The following AGO3 variants were observed in gnomAD, a reference collection of about 807,000 sequenced individuals.
AGO3 encodes protein argonaute-3.
In AGO3, 16 loss-of-function variants were observed where a neutral mutation model predicts 105.5. That is an observed-to-expected ratio of 0.15 (90% CI 0.10 to 0.23). The LOEUF is 0.23. Among genes scored for constraint, AGO3 ranks in the 10% least tolerant of loss-of-function variants. AGO3 has a pLI of 1.00. For missense variants in AGO3, 534 were observed against 1,088.0 expected, an observed-to-expected ratio of 0.49 and a Z score of 7.16; for synonymous variants, 340 against 367.3, an observed-to-expected ratio of 0.93 and a Z score of 0.85.
intron 17 of AGO3, among the ~76,000 whole-genome samples, chr1:36,043,862 T>TAA (rs572252684): frequency 6.8e-6 from 1 of 148,040 alleles, no homozygotes. Flanking sequence ...TATGCATCTT[T>TAA]AAAAAAAAAA....
chr1:36,020,332 C>T (rs1294648157), intron 11 of AGO3, among the ~76,000 whole-genome samples: 1 of 152,180 alleles, frequency 6.6e-6, no homozygotes, highest in Non-Finnish European at 1.5e-5. Context: ...TTAATAGTTT[C>T]AGTACTGACT....
intron 2 of AGO3, among the ~76,000 whole-genome samples, chr1:35,946,582 A>G (rs554050738): frequency 1.3e-5 from 2 of 152,330 alleles, no homozygotes; most frequent in East Asian, 3.9e-4. Context: ...CTTATTCATT[A>G]AATGTTATTA....
intron 3 of AGO3, among the ~76,000 whole-genome samples, chr1:35,971,707 G>A (rs1313329945): frequency 1.3e-5 from 2 of 151,666 alleles, no homozygotes; most frequent in Non-Finnish European, 2.9e-5. Context: ...GTAATCTTTT[G>A]TACTTTGCTT....
chr1:36,038,507 G>A (rs1048365350), intron 14 of AGO3, among the ~76,000 whole-genome samples: 30 of 151,920 alleles, frequency 2.0e-4, no homozygotes, highest in African/African-American at 6.5e-4. Flanking sequence ...CGCCCACCTC[G>A]GCCTCCCAAA....
intron 3 of AGO3, among the ~76,000 whole-genome samples, chr1:35,969,881 A>G (rs1557657205): frequency 6.6e-6 from 1 of 152,214 alleles, no homozygotes; most frequent in Non-Finnish European, 1.5e-5. Flanking sequence ...GTATCTAACT[A>G]TAGAAAAGGT....
chr1:35,976,788 C>A (rs1646963431), intron 5 of AGO3, among the ~76,000 whole-genome samples: 1 of 152,120 alleles, frequency 6.6e-6, no homozygotes, highest in Non-Finnish European at 1.5e-5. Context: ...TAATACTTTC[C>A]TTTTATAAAT....
At chr1:36,036,787 C>T (rs1642029481) in intron 14 of AGO3, among the ~76,000 whole-genome samples, 1 of 152,074 alleles carries the variant, frequency 6.6e-6, no homozygotes, top group African/African-American at 2.4e-5. Flanking sequence ...CTTCATCTCC[C>T]AGGTTCAAGC....
rs1349813665 is a variant in AGO3 at position 36,013,700 on chromosome 1, C to T, written c.1220C>T (p.Ala407Val). 1.2e-6 allele frequency: 2 copies of T among 1,614,036 alleles called. No individual in the cohort carries two copies. Among genetic ancestry groups the T allele is most frequent in the East Asian group, 2.2e-5 (1 of 44,896 alleles). Reference protein sequence around the residue: ...EFQFKVRDEMAHVTGRVLPAP... With the variant: ...EFQFKVRDEMVHVTGRVLPAP... ...CAATTTAAAGTTCGGGATGAAATGG[C>T]TCATGTAACTGGACGCGTACTTCCA... The change falls in exon 10 of 19, where the codon GCT (alanine) becomes GTT (valine). Residue 407 changes from alanine to valine, a missense_variant. Ala to Val is a moderately conservative substitution (Grantham distance 64, BLOSUM62 0). Around this residue, in one of 2 missense-constraint regions of AGO3, gnomAD observed 373 missense variants for 854.0 expected, o/e 0.44. Transcript: ENST00000373191.
chr1:35,950,060 A>T (rs559227302), intron 2 of AGO3, among the ~76,000 whole-genome samples: 1 of 152,178 alleles, frequency 6.6e-6, no homozygotes, highest in Non-Finnish European at 1.5e-5. Flanking sequence ...GTCTCTACTA[A>T]AAGTACAAAA....
intron 9 of AGO3, among the ~76,000 whole-genome samples, chr1:36,011,253 G>A (rs779360929): frequency 2.0e-5 from 3 of 152,046 alleles, no homozygotes; most frequent in Non-Finnish European, 4.4e-5. Flanking sequence ...TTGAAAATAG[G>A]GATGCAAAAC....
chr1:36,033,230 G>A (rs1354412628), intron 12 of AGO3, among the ~76,000 whole-genome samples: 3 of 151,768 alleles, frequency 2.0e-5, no homozygotes, highest in Non-Finnish European at 4.4e-5. Flanking sequence ...CCAGCTACTC[G>A]GGAGGCTGAG....
chr1:36,062,615 A>G lies in AGO3; in HGVS notation c.*6870A>G, dbSNP rs1013192885. On this transcript the variant is annotated 3_prime_UTR_variant, in exon 19 of 19. Transcript: ENST00000373191. Reference sequence around the variant, plus strand: ...AAAGGAAAATAGTAGAACCTTTCATACTAATTAGAAATGTAGTTACCTACC... The same window carrying G: ...AAAGGAAAATAGTAGAACCTTTCATGCTAATTAGAAATGTAGTTACCTACC... 1 of 152,178 alleles carries G rather than the reference A, an allele frequency of 6.6e-6. No individual in the cohort carries two copies. Among genetic ancestry groups the G allele is most frequent in the Admixed American group, 6.5e-5 (1 of 15,276 alleles). The allele number at this position is 152,178 out of a possible 1,614,324, so 9.4% of individuals were successfully genotyped here.
At chr1:36,009,643 C>G (rs779031133) in intron 9 of AGO3, 49 bp downstream of exon 9, 1 of 1,561,040 alleles carries the variant, frequency 6.4e-7, no homozygotes, top group East Asian at 2.2e-5. Context: ...TTAGGGTGAA[C>G]TGTAATACTA....
intron 2 of AGO3, among the ~76,000 whole-genome samples, chr1:35,949,704 C>T (rs1235007710): frequency 6.6e-6 from 1 of 152,226 alleles, no homozygotes; most frequent in African/African-American, 2.4e-5. Context: ...ACACTGTGTT[C>T]TCAACCTCCT....
At chr1:36,035,696 A>C (rs1641969912) in intron 13 of AGO3, among the ~76,000 whole-genome samples, 1 of 152,162 alleles carries the variant, frequency 6.6e-6, no homozygotes, top group Non-Finnish European at 1.5e-5. Context: ...AGCCCTTTTC[A>C]ACCACCAGCA....
intron 5 of AGO3, among the ~76,000 whole-genome samples, chr1:35,981,686 G>A (rs1647055759): frequency 6.6e-6 from 1 of 152,104 alleles, no homozygotes; most frequent in Non-Finnish European, 1.5e-5. Context: ...CTTGTAAAAG[G>A]GTGGTCCTTT....
intron 2 of AGO3, among the ~76,000 whole-genome samples, chr1:35,946,618 A>G (rs1436100238): frequency 6.6e-6 from 1 of 152,246 alleles, no homozygotes. Context: ...GACATTTAAG[A>G]AAAAGAATGT....
chr1:35,994,348 G>T (rs975384342), intron 5 of AGO3, among the ~76,000 whole-genome samples: 1 of 151,938 alleles, frequency 6.6e-6, no homozygotes, highest in African/African-American at 2.4e-5. Context: ...ACATTCTCAT[G>T]ATAAAAATTT....
chr1:36,001,234 C>G (rs1344559643), intron 5 of AGO3, among the ~76,000 whole-genome samples: 3 of 151,438 alleles, frequency 2.0e-5, no homozygotes, highest in Admixed American at 6.6e-5. Flanking sequence ...GACTCTGTCT[C>G]AAAAATAAAT....
Sources: allele counts gnomAD v4.1 joint callset (sites outside exome capture counted in the v4.1 genomes callset), GRCh38; gene constraint gnomAD v4.1.1; regional missense constraint gnomAD v4.1.1; transcripts MANE v1.5; gene names NCBI Gene and HGNC (gene_info 2026-07-23, HGNC 2026-07-21).